KCND2: variants seen among roughly 807,000 people sequenced by gnomAD.
KCND2 encodes A-type voltage-gated potassium channel KCND2.
Under a neutral mutation model 54.4 loss-of-function variants are expected in KCND2, and 16 were observed. That is an observed-to-expected ratio of 0.29 (90% CI 0.20 to 0.45). KCND2 has a LOEUF of 0.45. KCND2 is among the 20% of genes least tolerant of loss of function. The pLI, the probability that KCND2 is intolerant of heterozygous loss-of-function variation, is 1.00. For synonymous variants in KCND2, 317 were observed against 310.7 expected (o/e 1.02, Z -0.21); for missense variants, 486 against 824.2 (o/e 0.59, Z 5.02).
chr7:120,276,808 A>G (rs1229965041), intron 1 of KCND2, among the ~76,000 whole-genome samples: 1 of 152,118 alleles, frequency 6.6e-6, no homozygotes, highest in Non-Finnish European at 1.5e-5. Context: ...AGAGAATCTA[A>G]TAAAATAAAA....
chr7:120,422,194 C>T (rs1418345836), intron 1 of KCND2, among the ~76,000 whole-genome samples: 2 of 152,194 alleles, frequency 1.3e-5, no homozygotes, highest in Non-Finnish European at 2.9e-5. Flanking sequence ...TAAGTATCCT[C>T]ATGAGTCTTA....
chr7:120,594,669 A>G (rs954817006), intron 1 of KCND2, among the ~76,000 whole-genome samples: 4 of 152,224 alleles, frequency 2.6e-5, no homozygotes, highest in Non-Finnish European at 5.9e-5. Context: ...TGGTAGAACA[A>G]CAACTACTTC....
chr7:120,606,193 T>C (rs1490445169), intron 1 of KCND2, among the ~76,000 whole-genome samples: 1 of 152,202 alleles, frequency 6.6e-6, no homozygotes, highest in Non-Finnish European at 1.5e-5. Flanking sequence ...CAAGTGGCAG[T>C]ATGAAAATTG....
At chr7:120,583,197 G>A (rs1191496556) in intron 1 of KCND2, among the ~76,000 whole-genome samples, 4 of 151,858 alleles carry the variant, frequency 2.6e-5, no homozygotes, top group Admixed American at 1.3e-4. Context: ...TTTATCCATT[G>A]TTTCAGATCT....
chr7:120,714,493 C>T (rs751426641), intron 1 of KCND2, among the ~76,000 whole-genome samples: 14 of 152,040 alleles, frequency 9.2e-5, no homozygotes, highest in Non-Finnish European at 1.5e-4. Flanking sequence ...ACAGAAACAA[C>T]AAATCTTTGC....
chr7:120,273,310 C>T lies in KCND2; in HGVS notation c.-1323C>T, dbSNP rs1486087274. Among the ~76,000 whole-genome samples, 1 of 150,848 alleles carries T rather than the reference C, an allele frequency of 6.6e-6. No individual in the cohort carries two copies. Among genetic ancestry groups the T allele is most frequent in the Non-Finnish European group, 1.5e-5 (1 of 67,424 alleles). On this transcript the variant is annotated 5_prime_UTR_variant, in exon 1 of 6. Transcript: ENST00000331113. ...TGGCGGGGAAGCAGCTAGCAGCCCT[C>T]CCGCGCCCCCGCGCTGCCGAGCGCC...
chr7:120,534,863 C>T (rs995939023), intron 1 of KCND2, among the ~76,000 whole-genome samples: 13 of 151,992 alleles, frequency 8.6e-5, no homozygotes, highest in African/African-American at 3.1e-4. Flanking sequence ...CTCCACATAC[C>T]ACAAGTGGAA....
chr7:120,299,316 G>A lies in KCND2; in HGVS notation c.1115+23569G>A, dbSNP rs182104994. 5.2e-4 allele frequency among the ~76,000 whole-genome samples: 79 copies of A among 152,244 alleles called. No homozygotes were observed. In the Middle Eastern group the frequency reaches 0.027, roughly 52 times the overall value. On this transcript the variant is annotated intron_variant, in intron 1 of 5. Coordinates refer to ENST00000331113, the MANE Select transcript of KCND2 (RefSeq NM_012281.3). ...CTAACATAAATGAGTCACGATCAGT[G>A]AGTTAACAGTTTAATAGGAAGTGAG... is the stretch of plus-strand genomic sequence containing the variant.
At position 120,395,750 on chromosome 7, in the gene KCND2, G is replaced by A. The variant is rs1361953890; in HGVS notation, c.1115+120003G>A. ...GCTGTTACCATGGCCCATTGCCATG[G>A]CATTAGTAAACTGTCATGAGGCTGG... On this transcript the variant is annotated intron_variant, in intron 1 of 5. Coordinates refer to ENST00000331113, the MANE Select transcript of KCND2 (RefSeq NM_012281.3). Among the ~76,000 whole-genome samples, 4 of 151,996 alleles carry A rather than the reference G, an allele frequency of 2.6e-5. No individual in the cohort carries two copies. In the East Asian group the frequency reaches 7.7e-4, roughly 29 times the overall value.
chr7:120,713,498 A>T (rs911809942), intron 1 of KCND2, among the ~76,000 whole-genome samples: 10 of 152,162 alleles, frequency 6.6e-5, no homozygotes, highest in African/African-American at 2.4e-4. Flanking sequence ...TGTTCCTTCA[A>T]ATAAAATGTC....
chr7:120,532,415 T>C (rs1016190401), intron 1 of KCND2, among the ~76,000 whole-genome samples: 35 of 151,842 alleles, frequency 2.3e-4, no homozygotes, highest in African/African-American at 8.2e-4. Context: ...ATTTTATATA[T>C]CCTAATATAA....
chr7:120,710,597 A>T (rs757225876), intron 1 of KCND2, among the ~76,000 whole-genome samples: 3 of 152,218 alleles, frequency 2.0e-5, no homozygotes, highest in Admixed American at 2.0e-4. Context: ...TTCAGAAAGC[A>T]TATGTTCTAG....
chr7:120,307,694 A>G (rs1799668081), intron 1 of KCND2, among the ~76,000 whole-genome samples: 1 of 152,134 alleles, frequency 6.6e-6, no homozygotes, highest in Non-Finnish European at 1.5e-5. Context: ...TTCAGAAAGC[A>G]TGCCTCAGCC....
At chr7:120,410,031 C>G (rs1038442985) in intron 1 of KCND2, among the ~76,000 whole-genome samples, 7 of 151,554 alleles carry the variant, frequency 4.6e-5, no homozygotes, top group African/African-American at 1.7e-4. Flanking sequence ...TAAGTTTATA[C>G]TTCATTTATA....
At chr7:120,430,827 C>G (rs2116163521) in intron 1 of KCND2, among the ~76,000 whole-genome samples, 1 of 152,282 alleles carries the variant, frequency 6.6e-6, no homozygotes, top group East Asian at 1.9e-4. Context: ...ACTTTACAAC[C>G]ACACCACTAT....
intron 1 of KCND2, among the ~76,000 whole-genome samples, chr7:120,294,020 T>A (rs1799474104): frequency 6.6e-6 from 1 of 152,020 alleles, no homozygotes; most frequent in Admixed American, 6.6e-5. Flanking sequence ...CATTCTACTC[T>A]TGCATTCGTT....
At position 120,747,888 on chromosome 7, in the gene KCND2, G is replaced by A; in HGVS notation, c.*30G>A. 2.0e-6 allele frequency: 3 copies of A among 1,530,544 alleles called. No homozygotes were observed. The highest frequency in any genetic ancestry group is 2.3e-5 in the East Asian group (1 of 44,112). 94.8% of individuals were successfully genotyped at this position (1,530,544 alleles called of 1,614,324 possible). A position where few individuals can be genotyped will look rare whatever the true frequency, so the allele number is the denominator to read the frequency against. The stretch of plus-strand genomic sequence containing the variant: ...ATTGGAATAAGGTCTAAGAGAATTC[G>A]AGCCCTGGCTGTGAAAAGAATCTCA... On this transcript the variant is annotated 3_prime_UTR_variant, in exon 6 of 6. Transcript: ENST00000331113.
In KCND2 at chr7:120,274,439, C is replaced by A. The variant is rs1799141160; in HGVS notation, c.-194C>A. ...ATTTTGTTGCCATTATTCCAAATAC[C>A]TGTCTTGGAGGGAAAGTTGCCCTTC... is the stretch of plus-strand genomic sequence containing the variant. On this transcript the variant is annotated 5_prime_UTR_variant, in exon 1 of 6. In the 5' UTR this introduces an upstream ATG that the reference lacks. Transcript: ENST00000331113. The A allele has an allele frequency of 1.5e-6, 1 of 679,494 alleles. No individual in the cohort carries two copies. Among genetic ancestry groups the A allele is most frequent in the Non-Finnish European group, 2.6e-6 (1 of 377,472 alleles). 42.1% of individuals were successfully genotyped at this position (679,494 alleles called of 1,614,324 possible).
chr7:120,627,203 A>G (rs1483063376), intron 1 of KCND2, among the ~76,000 whole-genome samples: 1 of 134,376 alleles, frequency 7.4e-6, no homozygotes, highest in Non-Finnish European at 1.5e-5. Context: ...CGTCGTGAGA[A>G]TACAGAGAAG....
Sources: gnomAD v4.1 joint callset for allele counts (sites outside exome capture counted in the v4.1 genomes callset) on GRCh38, gnomAD v4.1.1 for gene constraint, MANE v1.5 for transcripts, NCBI Gene and HGNC (gene_info 2026-07-23, HGNC 2026-07-21) for gene names.